Variants in KIFAP3 observed in about 807,000 individuals in gnomAD.
The protein encoded by KIFAP3 is kinesin-associated protein 3.
Under a neutral mutation model 106.5 loss-of-function variants are expected in KIFAP3, and 68 were observed. That is an observed-to-expected ratio of 0.64 (90% confidence interval 0.53 to 0.78). The LOEUF is 0.78. Ranked by LOEUF, KIFAP3 falls within the 30% of genes least tolerant of loss-of-function variation. The pLI is 0.00. For missense variants in KIFAP3, 780 were observed against 941.8 expected, an observed-to-expected ratio of 0.83 and a Z score of 2.25; for synonymous variants, 320 against 311.5, an observed-to-expected ratio of 1.03 and a Z score of -0.29.
chr1:170,046,709 T>C lies in KIFAP3; in HGVS notation c.319+3A>G, dbSNP rs1212922624. ...TTAGGAAGCCAGGAATTCTACTACT[T>C]ACCTTTTCCTGACAATGAATCACGG... On this transcript the variant is annotated splice_donor_region_variant and intron_variant, in intron 3 of 19. Transcript: ENST00000361580. The C allele has an allele frequency of 6.6e-7, 1 of 1,519,982 alleles. No individual in the cohort carries two copies. The highest frequency in any genetic ancestry group is 2.0e-5 in the Admixed American group (1 of 50,448). 94.2% of individuals were successfully genotyped at this position (1,519,982 alleles called of 1,614,324 possible). A position where few individuals can be genotyped will look rare whatever the true frequency, so the allele number is the denominator to read the frequency against.
chr1:170,034,943 A>G (rs962383475), intron 6 of KIFAP3, among the ~76,000 whole-genome samples: 3 of 151,984 alleles, frequency 2.0e-5, no homozygotes, highest in Non-Finnish European at 1.5e-5. Flanking sequence ...ATAAATATTT[A>G]TTTGCTAATA....
chr1:170,051,761 A>AT (rs1670587319), intron 2 of KIFAP3, among the ~76,000 whole-genome samples: 1 of 152,252 alleles, frequency 6.6e-6, no homozygotes, highest in African/African-American at 2.4e-5. Context: ...AAATAAAAAA[A>AT]TTAAGGCAGA....
chr1:169,959,522 T>G (rs1042491272), intron 18 of KIFAP3, among the ~76,000 whole-genome samples: 2 of 152,164 alleles, frequency 1.3e-5, no homozygotes. Flanking sequence ...ACCTATACAT[T>G]GTAATTAAAA....
chr1:170,017,030 G>A (rs1372758281), intron 9 of KIFAP3, among the ~76,000 whole-genome samples: 3 of 152,142 alleles, frequency 2.0e-5, no homozygotes, highest in African/African-American at 4.8e-5. Context: ...AGGCCGAGGC[G>A]GGCAGATCAC....
intron 16 of KIFAP3, among the ~76,000 whole-genome samples, chr1:169,975,209 T>C (rs144409825): frequency 0.022 from 3,305 of 152,174 alleles, 105 homozygotes; most frequent in African/African-American, 0.063. Flanking sequence ...CATACTGCAG[T>C]TGTTGAGATC....
rs533042730 is a variant in KIFAP3, at chr1:170,049,054, C to G, written c.165-2188G>C. On this transcript the variant is annotated intron_variant, in intron 2 of 19. Transcript: ENST00000361580. ...TCAGTGAGTCCCACTCTTATGGAGC[C>G]CAGCAAGCTATGAACCACTGGCTTG... 1.8e-3 allele frequency among the ~76,000 whole-genome samples: 278 copies of G among 152,312 alleles called. 1 individual carries two copies. Among genetic ancestry groups the G allele is most frequent in the African/African-American group, 6.5e-3 (271 of 41,568 alleles).
intron 3 of KIFAP3, among the ~76,000 whole-genome samples, chr1:170,039,599 C>G (rs896799770): frequency 4.0e-5 from 6 of 151,898 alleles, no homozygotes; most frequent in Non-Finnish European, 8.8e-5. Flanking sequence ...TTCTAAGTAT[C>G]CTCTCTTTCC....
chr1:170,058,647 C>T (rs1402657008), intron 1 of KIFAP3, among the ~76,000 whole-genome samples: 3 of 151,180 alleles, frequency 2.0e-5, no homozygotes, highest in Non-Finnish European at 4.4e-5. Flanking sequence ...TCCTCCATCC[C>T]AGCTTGTTTT....
chr1:170,060,909 G>T (rs1344556561), intron 1 of KIFAP3, among the ~76,000 whole-genome samples: 1 of 152,164 alleles, frequency 6.6e-6, no homozygotes, highest in South Asian at 2.1e-4. Flanking sequence ...AAGCAATGGG[G>T]AAAGGATTCC....
At chr1:170,035,781 C>A (rs1461041195) in intron 5 of KIFAP3, among the ~76,000 whole-genome samples, 1 of 151,858 alleles carries the variant, frequency 6.6e-6, no homozygotes, top group Admixed American at 6.6e-5. Context: ...CAGAAGTAAT[C>A]AAATATGATT....
At chr1:170,052,052 A>G (rs1670601875) in intron 2 of KIFAP3, among the ~76,000 whole-genome samples, 1 of 152,162 alleles carries the variant, frequency 6.6e-6, no homozygotes, top group Non-Finnish European at 1.5e-5. Flanking sequence ...CAATGAATCT[A>G]GGAGCTGTTT....
In KIFAP3 at chr1:169,954,014, C is replaced by A. The variant is rs551354755; in HGVS notation, c.2270G>T (p.Gly757Val). The change falls in exon 19 of 20, where the codon GGC becomes GTC. Residue 757 changes from glycine (G) to valine (V), a missense_variant. This residue lies in a region of KIFAP3 where 114 missense variants were observed against 122.3 expected (regional missense o/e 0.93). Transcript: ENST00000361580. ...TTTTTCTTGGAAAACTGTTTACCTG[C>A]CAGGAAATGAATGCTGCCCAACAAC... The part of the protein sequence containing the change: ...GDVVGQHSFP[G>V]SLGMDGFGQP... 12 of 1,609,628 alleles carry A rather than the reference C, an allele frequency of 7.5e-6. No homozygotes were observed. In the South Asian group the frequency reaches 1.2e-4, roughly 16 times the overall value.
chr1:170,019,143 CT>C, intron 9 of KIFAP3, among the ~76,000 whole-genome samples: 1 of 152,128 alleles, frequency 6.6e-6, no homozygotes, highest in East Asian at 1.9e-4. Flanking sequence ...AACTACAGAG[CT>C]ACCACTCAAG....
chr1:169,923,782 A>G (rs1662959701), intron 19 of KIFAP3, among the ~76,000 whole-genome samples: 1 of 152,238 alleles, frequency 6.6e-6, no homozygotes, highest in Admixed American at 6.5e-5. Context: ...TGGTCCTCAG[A>G]AGGGAGTTCA....
chr1:169,998,395 TATATACACACAC>T (rs1286507340), intron 10 of KIFAP3, among the ~76,000 whole-genome samples: 204 of 81,346 alleles, frequency 2.5e-3, no homozygotes, highest in African/African-American at 0.012. Context: ...TATATATATA[TATATACACACAC>T]ACACACACAC....
intron 10 of KIFAP3, among the ~76,000 whole-genome samples, chr1:169,996,079 T>C (rs1667360444): frequency 6.6e-6 from 1 of 152,164 alleles, no homozygotes; most frequent in South Asian, 2.1e-4. Context: ...ATTAATTTTA[T>C]ATAGTGAAAC....
intron 2 of KIFAP3, 88 bp from the exon 3 acceptor site, chr1:170,046,954 A>G (rs1256516877): frequency 1.4e-6 from 1 of 719,404 alleles, no homozygotes; most frequent in African/African-American, 1.8e-5. Flanking sequence ...TAGATTATAA[A>G]TTATTATAGA....
chr1:170,075,306 T>C (rs898951377), upstream of KIFAP3, among the ~76,000 whole-genome samples: 73 of 152,236 alleles, frequency 4.8e-4, no homozygotes, highest in Admixed American at 3.0e-3. Flanking sequence ...TTAAGATCTA[T>C]TCCCATGGGT....
intron 3 of KIFAP3, among the ~76,000 whole-genome samples, chr1:170,043,010 A>T (rs1430931435): frequency 6.6e-6 from 1 of 152,178 alleles, no homozygotes; most frequent in African/African-American, 2.4e-5. Flanking sequence ...CCAGTGAACC[A>T]GCTCCCCAGA....
Sources: allele counts gnomAD v4.1 joint callset (sites outside exome capture counted in the v4.1 genomes callset), GRCh38; gene constraint gnomAD v4.1.1; regional missense constraint gnomAD v4.1.1; transcripts MANE v1.5; gene names NCBI Gene and HGNC (gene_info 2026-07-23, HGNC 2026-07-21).